The following WFDC11 variants were observed in gnomAD, a reference collection of about 807,000 sequenced individuals.
WFDC11 encodes the protein protein WFDC11.
WFDC11 carries 9 observed loss-of-function variants against 9.9 expected under a neutral mutation model. The observed-to-expected ratio is 0.91, with a 90% CI of 0.55 to 1.58. The LOEUF (loss-of-function observed/expected upper bound fraction) is 1.58, where lower values mean the gene tolerates loss of function less well. Among genes scored for constraint, WFDC11 ranks in the 40% most tolerant of loss-of-function variants. The pLI is 0.00. For missense variants in WFDC11, 106 were observed against 101.7 expected (o/e 1.04, Z -0.18); for synonymous variants, 32 against 33.3 (o/e 0.96, Z 0.13).
At chr20:45,665,449 T>C (rs1349976921) in intron 2 of WFDC11, among the ~76,000 whole-genome samples, 1 of 152,212 alleles carries the variant, frequency 6.6e-6, no homozygotes, top group Non-Finnish European at 1.5e-5. Flanking sequence ...TGTCCAGCTT[T>C]GTTCCATTGC....
intron 3 of WFDC11, among the ~76,000 whole-genome samples, chr20:45,650,003 C>A (rs1280125301): frequency 1.3e-5 from 2 of 152,048 alleles, no homozygotes; most frequent in Non-Finnish European, 2.9e-5. Context: ...AGCCTCTTTC[C>A]TAACTTTTCA....
chr20:45,653,957 C>T (rs1448671115), intron 2 of WFDC11, among the ~76,000 whole-genome samples: 2 of 152,150 alleles, frequency 1.3e-5, no homozygotes, highest in African/African-American at 4.8e-5. Flanking sequence ...TACAAAGAGA[C>T]TTAGACTCCC....
At chr20:45,663,324 T>C (rs1983114129) in intron 2 of WFDC11, among the ~76,000 whole-genome samples, 2 of 152,210 alleles carry the variant, frequency 1.3e-5, no homozygotes, top group Non-Finnish European at 2.9e-5. Flanking sequence ...TTTTTCTTTA[T>C]TTGTCGCAAT....
chr20:45,651,274 A>T (rs1982799352), intron 2 of WFDC11, among the ~76,000 whole-genome samples: 1 of 152,240 alleles, frequency 6.6e-6, no homozygotes, highest in African/African-American at 2.4e-5. Context: ...TCCTTAACTT[A>T]TGATGGTTTG....
At chr20:45,649,544 GCCTTCATGAGCCT>G (rs1212301549) in intron 3 of WFDC11, 145 bp from the exon 4 acceptor site, 33 of 915,400 alleles carry the variant, frequency 3.6e-5, no homozygotes, top group Non-Finnish European at 5.4e-5. Context: ...TAAGGGAATT[GCCTTCATGAGCCT>G]CCTCAAATTC....
Position 45,649,248 on chromosome 20 carries a change from C to T in WFDC11, c.243+9G>A. 1 of 1,613,800 alleles carries T rather than the reference C, an allele frequency of 6.2e-7. No individual in the cohort carries two copies. The highest frequency in any genetic ancestry group is 1.3e-5 in the African/African-American group (1 of 74,990). The stretch of plus-strand genomic sequence containing the variant: ...AGATATACACCCAAGCAAACATCTC[C>T]CAACTCACGACGTTTATCCAGCAGA... On this transcript the variant is annotated intron_variant, in intron 4 of 4. Coordinates refer to ENST00000324384, the MANE Select transcript of WFDC11 (RefSeq NM_147197.2).
chr20:45,656,495 C>T (rs1334160360), intron 2 of WFDC11, among the ~76,000 whole-genome samples: 1 of 152,132 alleles, frequency 6.6e-6, no homozygotes, highest in Non-Finnish European at 1.5e-5. Context: ...GGAAGAAAAC[C>T]TAGGCAATAC....
At chr20:45,658,077 A>G (rs180709459) in intron 2 of WFDC11, among the ~76,000 whole-genome samples, 1 of 152,344 alleles carries the variant, frequency 6.6e-6, no homozygotes, top group East Asian at 1.9e-4. Flanking sequence ...AACTATTTAT[A>G]GGACATATTT....
chr20:45,650,238 G>A (rs1568660652), intron 3 of WFDC11, among the ~76,000 whole-genome samples: 1 of 149,898 alleles, frequency 6.7e-6, no homozygotes, highest in African/African-American at 2.5e-5. Flanking sequence ...ACATGTGTTT[G>A]TATATATATA....
At chr20:45,663,581 T>C (rs1983121229) in intron 2 of WFDC11, among the ~76,000 whole-genome samples, 1 of 152,126 alleles carries the variant, frequency 6.6e-6, no homozygotes, top group African/African-American at 2.4e-5. Context: ...TAAATTTCCC[T>C]CTATGCACTG....
intron 2 of WFDC11, among the ~76,000 whole-genome samples, chr20:45,655,598 A>G (rs373425848): frequency 6.6e-6 from 1 of 152,102 alleles, no homozygotes; most frequent in African/African-American, 2.4e-5. Flanking sequence ...TCAGGCAGGA[A>G]AAGGAAATAA....
chr20:45,663,949 G>A (rs756877971), intron 2 of WFDC11, among the ~76,000 whole-genome samples: 35 of 152,184 alleles, frequency 2.3e-4, no homozygotes, highest in Admixed American at 3.9e-4. Flanking sequence ...TCTGCTTGGT[G>A]CAGAGCTGAG....
chr20:45,655,074 C>T (rs367797316), intron 2 of WFDC11, among the ~76,000 whole-genome samples: 40 of 152,234 alleles, frequency 2.6e-4, no homozygotes, highest in South Asian at 1.2e-3. Flanking sequence ...CCTCCCTAAC[C>T]CATTTTATGA....
At chr20:45,665,728 G>T (rs554812717) in intron 2 of WFDC11, among the ~76,000 whole-genome samples, 3 of 152,294 alleles carry the variant, frequency 2.0e-5, no homozygotes, top group African/African-American at 4.8e-5. Context: ...GACCCTGTTT[G>T]CCTGGGTGTC....
chr20:45,653,787 T>A (rs1401568021), intron 2 of WFDC11, among the ~76,000 whole-genome samples: 1 of 152,116 alleles, frequency 6.6e-6, no homozygotes. Flanking sequence ...AATCCTAGTC[T>A]CTGATAAAAC....
intron 2 of WFDC11, among the ~76,000 whole-genome samples, chr20:45,655,246 G>C (rs1043249386): frequency 6.6e-6 from 1 of 152,132 alleles, no homozygotes; most frequent in African/African-American, 2.4e-5. Context: ...GATCAAGTGG[G>C]CTTCATCCCT....
intron 2 of WFDC11, among the ~76,000 whole-genome samples, chr20:45,664,332 G>A (rs1408050568): frequency 6.6e-6 from 1 of 152,064 alleles, no homozygotes; most frequent in East Asian, 1.9e-4. Flanking sequence ...CATGAGATGG[G>A]TCTCCTGATT....
intron 2 of WFDC11, among the ~76,000 whole-genome samples, chr20:45,659,776 G>A (rs191893399): frequency 3.7e-4 from 57 of 152,318 alleles, no homozygotes; most frequent in Non-Finnish European, 5.9e-4. Flanking sequence ...TTTTAGTCAT[G>A]AAGCCTTTGC....
In WFDC11 at chr20:45,654,898, T is replaced by G. The variant is rs568979030; in HGVS notation, c.-51-4247A>C. On this transcript the variant is annotated intron_variant, in intron 2 of 4. Coordinates refer to ENST00000324384, the MANE Select transcript of WFDC11 (RefSeq NM_147197.2). Reference sequence around the variant, plus strand: ...CTAAACCAGGAAGAAGTTGAATCGCTGAATAGACCAAAAATGGGCTCTGAA... The same window carrying G: ...CTAAACCAGGAAGAAGTTGAATCGCGGAATAGACCAAAAATGGGCTCTGAA... 9.9e-5 allele frequency among the ~76,000 whole-genome samples: 15 copies of G among 152,272 alleles called. No individual in the cohort carries two copies. In the East Asian group the frequency reaches 2.9e-3, roughly 29 times the overall value.
Sources: allele counts gnomAD v4.1 joint callset (sites outside exome capture counted in the v4.1 genomes callset), GRCh38; gene constraint gnomAD v4.1.1; transcripts MANE v1.5; gene names NCBI Gene and HGNC (gene_info 2026-07-23, HGNC 2026-07-21).